The following HYDIN variants were observed in gnomAD, a reference collection of about 807,000 sequenced individuals.
HYDIN encodes the protein HYDIN axonemal central pair apparatus protein, also known as axonemal central pair apparatus protein HYDIN.
HYDIN carries 132 observed loss-of-function variants against 403.9 expected under a neutral mutation model. That is an observed-to-expected ratio of 0.33 (90% CI 0.28 to 0.38). The LOEUF (loss-of-function observed/expected upper bound fraction) is 0.38, where lower values mean the gene tolerates loss of function less well. Ranked by LOEUF, HYDIN falls within the 10% of genes least tolerant of loss-of-function variation. The probability of loss-of-function intolerance (pLI) is 1.00; values close to 1 mark genes in which losing one functional copy is unlikely to be tolerated. For missense variants in HYDIN, 2,827 were observed against 5,009.5 expected (o/e 0.56, Z 13.15); for synonymous variants, 1,202 against 1,891.7 (o/e 0.64, Z 9.46).
At chr16:71,126,721 G>A (rs2084478294) in intron 9 of HYDIN, among the ~76,000 whole-genome samples, 2 of 152,048 alleles carry the variant, frequency 1.3e-5, no homozygotes, top group South Asian at 2.1e-4. Context: ...GAATTGCCTC[G>A]GATATGTTTC....
intron 23 of HYDIN, among the ~76,000 whole-genome samples, chr16:70,992,847 A>T (rs534689385): frequency 6.6e-6 from 1 of 152,198 alleles, no homozygotes; most frequent in Non-Finnish European, 1.5e-5. Flanking sequence ...GCTGAAGCCC[A>T]TATGTCCAGG....
At chr16:71,090,662 A>G (rs1323097148) in intron 11 of HYDIN, among the ~76,000 whole-genome samples, 29 of 122,398 alleles carry the variant, frequency 2.4e-4, no homozygotes, top group Admixed American at 1.1e-3. Context: ...ACCACACCCA[A>G]CTAATTTTTG....
chr16:71,098,201 TTC>T lies in HYDIN; in HGVS notation c.1328-4268_1328-4267del, dbSNP rs200740599. On this transcript the variant is annotated intron_variant, in intron 10 of 85. Transcript: ENST00000393567. ...CTCTAAACTATAGATAAAACTTTCTTTCTTTTTTTTTTTTTTTTGAGATGGAG... is the reference window on the plus strand; with the variant it reads ...CTCTAAACTATAGATAAAACTTTCTTTTTTTTTTTTTTTTTTGAGATGGAG... Among the ~76,000 whole-genome samples the T allele has an allele frequency of 2.3e-4, 28 of 119,828 alleles. 7 individuals carry two copies. Among genetic ancestry groups the T allele is most frequent in the East Asian group, 4.4e-4 (2 of 4,530 alleles). The allele number at this position is 119,828 out of a possible 152,430, so 78.6% of individuals were successfully genotyped here. A position where few individuals can be genotyped will look rare whatever the true frequency, so the allele number is the denominator to read the frequency against.
intron 15 of HYDIN, chr16:71,066,735 C>T (rs2082282927): frequency 1.3e-5 from 5 of 372,976 alleles, no homozygotes; most frequent in Middle Eastern, 8.1e-4. Context: ...AACCCAGCTG[C>T]CTCTCTCAAA....
chr16:70,919,849 C>CA (rs71153608), intron 46 of HYDIN, among the ~76,000 whole-genome samples: 12 of 35,814 alleles, frequency 3.4e-4, no homozygotes, highest in African/African-American at 6.4e-4. Context: ...GACTCCATCT[C>CA]AAAAAAAAAA....
chr16:70,944,176 C>A (rs1050311526), intron 41 of HYDIN, among the ~76,000 whole-genome samples: 1 of 152,206 alleles, frequency 6.6e-6, no homozygotes, highest in East Asian at 1.9e-4. Flanking sequence ...CTGAACTGCA[C>A]GCAGCTTTTC....
chr16:71,195,268 A>G (rs1464516643), intron 1 of HYDIN, among the ~76,000 whole-genome samples: 1 of 151,744 alleles, frequency 6.6e-6, no homozygotes, highest in East Asian at 1.9e-4. Context: ...AAAAAAAAAA[A>G]GAAAAGAAAA....
At chr16:71,146,270 T>G (rs981402082) in intron 7 of HYDIN, among the ~76,000 whole-genome samples, 4 of 150,852 alleles carry the variant, frequency 2.7e-5, no homozygotes, top group African/African-American at 9.8e-5. Context: ...CAAATCTAAT[T>G]CTAAGGCCAC....
Position 70,879,739 on chromosome 16 carries a change from G to A in HYDIN, c.10233C>T (p.Val3411=), listed in dbSNP as rs374397167. The part of the protein sequence containing the change: ...PISNKPFARI[V]DIFEVEPSKM... Reference sequence around the variant, plus strand: ...TGCTGGGTTCCACTTCAAAAATGTCGACGATGCGGGCAAAGGGCTGGTGAT... The same window carrying A: ...TGCTGGGTTCCACTTCAAAAATGTCAACGATGCGGGCAAAGGGCTGGTGAT... The change falls in exon 61 of 86, where the codon GTC becomes GTT. Residue 3411 remains valine (V), a synonymous_variant. Coordinates refer to ENST00000393567, the MANE Select transcript of HYDIN (RefSeq NM_001270974.2). The A allele has an allele frequency of 1.2e-5, 15 of 1,279,536 alleles. No individual in the cohort carries two copies. Among genetic ancestry groups the A allele is most frequent in the Admixed American group, 1.8e-5 (1 of 55,696 alleles). The allele number at this position is 1,279,536 out of a possible 1,614,324, so 79.3% of individuals were successfully genotyped here.
intron 24 of HYDIN, 151 bp from the exon 25 acceptor site, chr16:70,991,547 G>C (rs2079352507): frequency 1.8e-6 from 2 of 1,090,190 alleles, no homozygotes; most frequent in Non-Finnish European, 2.6e-6. Flanking sequence ...TTTCTCAAGA[G>C]GTCAGCTGGT....
chr16:71,033,647 G>A (rs1289167282), intron 18 of HYDIN, among the ~76,000 whole-genome samples: 1 of 151,910 alleles, frequency 6.6e-6, no homozygotes, highest in Non-Finnish European at 1.5e-5. Context: ...GGGGCAGGGG[G>A]GAGAGCATCA....
At chr16:70,910,270 T>C (rs1427995053) in intron 47 of HYDIN, among the ~76,000 whole-genome samples, 8 of 152,118 alleles carry the variant, frequency 5.3e-5, no homozygotes, top group African/African-American at 7.2e-5. Context: ...CCAAAGTCCA[T>C]TGTATCATTC....
intron 42 of HYDIN, among the ~76,000 whole-genome samples, 192 bp from the exon 43 acceptor site, chr16:70,942,011 C>CT (rs143927561): frequency 0.017 from 1,567 of 93,478 alleles, 40 homozygotes; most frequent in African/African-American, 0.047. Flanking sequence ...ATCAGCCAGT[C>CT]TTTTTTTTTT....
intron 18 of HYDIN, among the ~76,000 whole-genome samples, chr16:71,051,931 A>C (rs2081665142): frequency 6.6e-6 from 1 of 152,236 alleles, no homozygotes; most frequent in Non-Finnish European, 1.5e-5. Flanking sequence ...TAGAAAATTC[A>C]ATGCAAAAAG....
chr16:71,168,571 G>T (rs542781089), intron 5 of HYDIN, among the ~76,000 whole-genome samples: 1 of 151,304 alleles, frequency 6.6e-6, no homozygotes, highest in Non-Finnish European at 1.5e-5. Flanking sequence ...AGGTCGGTAG[G>T]GTGGCTCAAC....
chr16:70,898,907 CTAATTTTTGTAATTTG>C (rs1225182952), intron 53 of HYDIN, among the ~76,000 whole-genome samples: 3 of 151,940 alleles, frequency 2.0e-5, no homozygotes, highest in Admixed American at 6.5e-5. Flanking sequence ...CCACATCCGG[CTAATTTTTGTAATTTG>C]TAATTTTTGT....
intron 18 of HYDIN, among the ~76,000 whole-genome samples, chr16:71,056,127 GTTTTT>G (rs57845299): frequency 9.4e-6 from 1 of 106,264 alleles, no homozygotes; most frequent in Non-Finnish European, 1.9e-5. Flanking sequence ...TCTGAGATTT[GTTTTT>G]TTTTTTTTTT....
chr16:71,165,437 A>C (rs1337281578), intron 5 of HYDIN, among the ~76,000 whole-genome samples: 4 of 142,144 alleles, frequency 2.8e-5, no homozygotes, highest in East Asian at 2.0e-4. Flanking sequence ...CTGCCCCATC[A>C]CTCCCTTACC....
intron 38 of HYDIN, 109 bp from the exon 39 acceptor site, chr16:70,959,929 T>C (rs1277236099): frequency 7.0e-6 from 4 of 570,104 alleles, no homozygotes; most frequent in Non-Finnish European, 1.2e-5. Context: ...TTAAATGCTG[T>C]TTTTTTTAAA....
Sources: allele counts gnomAD v4.1 joint callset (sites outside exome capture counted in the v4.1 genomes callset), GRCh38; gene constraint gnomAD v4.1.1; transcripts MANE v1.5; gene names NCBI Gene and HGNC (gene_info 2026-07-23, HGNC 2026-07-21).